Variants in TRHDE observed in about 807,000 individuals in gnomAD.
TRHDE encodes thyrotropin releasing hormone degrading enzyme, also known as thyrotropin-releasing hormone-degrading ectoenzyme.
TRHDE carries 72 observed loss-of-function variants against 125.7 expected under a neutral mutation model. The ratio of observed to expected loss-of-function variants is 0.57; its 90% CI spans 0.47 to 0.70. TRHDE has a LOEUF of 0.70. TRHDE is among the 30% of genes least tolerant of loss of function. The pLI is 0.00. For missense variants in TRHDE, 1,110 were observed against 1,327.1 expected (o/e 0.84, Z 2.54); for synonymous variants, 509 against 509.1 (o/e 1.00, Z 0.00).
chr12:72,289,923 T>G (rs1001488151), intron 2 of TRHDE, among the ~76,000 whole-genome samples: 3 of 152,242 alleles, frequency 2.0e-5, no homozygotes, highest in Admixed American at 6.5e-5. Context: ...GATATTTATT[T>G]CCTGTTTTGA....
intron 2 of TRHDE, among the ~76,000 whole-genome samples, chr12:72,203,288 C>T (rs1193662124): frequency 7.9e-5 from 12 of 151,908 alleles, no homozygotes; most frequent in Non-Finnish European, 1.0e-4. Flanking sequence ...GGTGAAATCC[C>T]GTCTCTACTA....
At position 72,663,133 on chromosome 12, in the gene TRHDE, C is replaced by A. The variant is rs745929445; in HGVS notation, c.3148C>A (p.Arg1050Ser). The A allele has an allele frequency of 4.5e-5, 73 of 1,612,844 alleles. No homozygotes were observed. The highest frequency in any genetic ancestry group is 6.0e-5 in the Non-Finnish European group (71 of 1,179,384). ...RAVETVEANV[R>S]WKMLYQDELF... ...TGTGGAAACTGTCGAAGCCAATGTG[C>A]GCTGGAAAATGCTTTACCAAGACGA... Residue 1050 changes from arginine to serine, a missense_variant, in exon 19 of 19, where the codon CGC becomes AGC. Transcript: ENST00000261180.
At chr12:72,348,063 AAT>A (rs1019735384) in intron 2 of TRHDE, among the ~76,000 whole-genome samples, 3 of 151,982 alleles carry the variant, frequency 2.0e-5, no homozygotes, top group African/African-American at 7.2e-5. Flanking sequence ...TTTAATTGAC[AAT>A]CAAAAATTAT....
Position 72,547,833 on chromosome 12 carries a change from T to C in TRHDE, c.1788+5477T>C, listed in dbSNP as rs554215529. Among the ~76,000 whole-genome samples, 80 of 151,960 alleles carry C rather than the reference T, an allele frequency of 5.3e-4. 1 individual carries two copies. The highest frequency in any genetic ancestry group is 1.2e-3 in the South Asian group (6 of 4,826). ...TAAGCAGAGTCAGTGAGAAATGCAA[T>C]AGGCAGGTTGGCAATAACCAGAAAC... On this transcript the variant is annotated intron_variant, in intron 7 of 18. Transcript: ENST00000261180.
Position 72,277,523 on chromosome 12 carries a change from C to A in TRHDE, c.914+3966C>A, listed in dbSNP as rs538351297. ...GTGAACTGAAAAAAATCTTTGAGAA[C>A]CATTTGTTTCTGTAAAAACTTTTTT... On this transcript the variant is annotated intron_variant, in intron 1 of 18. Transcript: ENST00000261180. 3.6e-4 allele frequency among the ~76,000 whole-genome samples: 55 copies of A among 152,206 alleles called. 1 individual carries two copies. The highest frequency in any genetic ancestry group is 1.3e-3 in the African/African-American group (52 of 41,522).
chr12:72,560,040 C>G (rs1870105325), intron 7 of TRHDE, among the ~76,000 whole-genome samples: 1 of 152,156 alleles, frequency 6.6e-6, no homozygotes, highest in Non-Finnish European at 1.5e-5. Flanking sequence ...GAAACGCACT[C>G]ATTATCCTTT....
intron 3 of TRHDE, among the ~76,000 whole-genome samples, chr12:72,394,831 G>A (rs1045976944): frequency 7.9e-5 from 12 of 152,082 alleles, no homozygotes; most frequent in African/African-American, 2.7e-4. Flanking sequence ...TGTAGGTGAC[G>A]TATGCCTCCT....
chr12:72,526,182 CAATATA>C (rs1472925517), intron 6 of TRHDE, among the ~76,000 whole-genome samples: 1 of 152,100 alleles, frequency 6.6e-6, no homozygotes, highest in Non-Finnish European at 1.5e-5. Context: ...AAATCACGTT[CAATATA>C]ATGTGTTTGC....
At chr12:72,397,353 A>T (rs1056483468) in intron 3 of TRHDE, among the ~76,000 whole-genome samples, 2 of 152,182 alleles carry the variant, frequency 1.3e-5, no homozygotes, top group African/African-American at 4.8e-5. Flanking sequence ...CAGCTTCTAA[A>T]TTACTCTTCT....
intron 2 of TRHDE, among the ~76,000 whole-genome samples, chr12:72,210,886 T>C (rs1215875603): frequency 6.6e-6 from 1 of 152,224 alleles, no homozygotes; most frequent in East Asian, 1.9e-4. Context: ...TTCTGATTCA[T>C]ACACATAGTG....
chr12:72,124,898 A>G (rs1363336188), intron 2 of TRHDE, among the ~76,000 whole-genome samples: 2 of 152,286 alleles, frequency 1.3e-5, no homozygotes, highest in African/African-American at 4.8e-5. Flanking sequence ...TGAATTGTCC[A>G]TTGTTTACTT....
At chr12:72,628,962 C>T (rs1169483735) in intron 15 of TRHDE, among the ~76,000 whole-genome samples, 1 of 151,792 alleles carries the variant, frequency 6.6e-6, no homozygotes, top group Non-Finnish European at 1.5e-5. Flanking sequence ...TCAGTTCAGT[C>T]CATCATGAGA....
chr12:72,208,131 C>T (rs146736955), intron 2 of TRHDE, among the ~76,000 whole-genome samples: 1 of 152,110 alleles, frequency 6.6e-6, no homozygotes. Flanking sequence ...TAGCTTCTAC[C>T]TTCAACCTTC....
intron 6 of TRHDE, among the ~76,000 whole-genome samples, chr12:72,518,160 T>A (rs1878977489): frequency 6.6e-6 from 1 of 150,952 alleles, no homozygotes; most frequent in Non-Finnish European, 1.5e-5. Flanking sequence ...GTCTATTAGG[T>A]CTGCTTGGTG....
chr12:72,159,568 T>C (rs978668021), intron 2 of TRHDE, among the ~76,000 whole-genome samples: 6 of 152,240 alleles, frequency 3.9e-5, no homozygotes, highest in South Asian at 2.1e-4. Flanking sequence ...TTTGACTATA[T>C]GTAGGGATTT....
intron 2 of TRHDE, among the ~76,000 whole-genome samples, chr12:72,251,894 C>T (rs550975268): frequency 6.6e-5 from 10 of 152,164 alleles, no homozygotes; most frequent in South Asian, 4.1e-4. Context: ...ATTTCCCTAA[C>T]GGTTTATGAA....
chr12:72,540,407 C>A (rs1869086461), intron 6 of TRHDE, among the ~76,000 whole-genome samples: 1 of 151,848 alleles, frequency 6.6e-6, no homozygotes, highest in African/African-American at 2.4e-5. Context: ...TTGGTACATT[C>A]TTTATGATCA....
chr12:72,165,481 A>G (rs1485705429), intron 2 of TRHDE, among the ~76,000 whole-genome samples: 1 of 152,130 alleles, frequency 6.6e-6, no homozygotes, highest in Non-Finnish European at 1.5e-5. Context: ...TGGGAGGCTT[A>G]TAGGTTCTAG....
chr12:72,139,226 T>A (rs1876057524), intron 2 of TRHDE, among the ~76,000 whole-genome samples: 1 of 152,182 alleles, frequency 6.6e-6, no homozygotes, highest in South Asian at 2.1e-4. Context: ...GCTGGCAATA[T>A]TTCTGCATCC....
Sources: allele counts gnomAD v4.1 joint callset (sites outside exome capture counted in the v4.1 genomes callset), GRCh38; gene constraint gnomAD v4.1.1; transcripts MANE v1.5; gene names NCBI Gene and HGNC (gene_info 2026-07-23, HGNC 2026-07-21).